HACD2: variants seen among roughly 807,000 people sequenced by gnomAD.
The protein encoded by HACD2 is very-long-chain (3R)-3-hydroxyacyl-CoA dehydratase 2.
A neutral mutation model predicts 31.0 loss-of-function variants in HACD2; 15 were observed. That is an observed-to-expected ratio of 0.48 (90% CI 0.32 to 0.75). The LOEUF (loss-of-function observed/expected upper bound fraction) is 0.75, where lower values mean the gene tolerates loss of function less well. Ranked by LOEUF, HACD2 falls within the 30% of genes least tolerant of loss-of-function variation. HACD2 has a pLI of 0.03. For missense variants in HACD2, 283 were observed against 313.0 expected (o/e 0.90, Z 0.72); for synonymous variants, 115 against 122.2 (o/e 0.94, Z 0.39).
At chr3:123,558,912 C>T (rs1401194715) in intron 3 of HACD2, among the ~76,000 whole-genome samples, 1 of 152,172 alleles carries the variant, frequency 6.6e-6, no homozygotes, top group Non-Finnish European at 1.5e-5. Context: ...TATCACAAAC[C>T]ATCGCACCAA....
chr3:123,507,049 G>C (rs1345854624), intron 4 of HACD2, among the ~76,000 whole-genome samples: 25 of 152,158 alleles, frequency 1.6e-4, no homozygotes. Context: ...CTTGAGGCCA[G>C]GAGCTGCGAT....
chr3:123,584,578 G>C (rs985876375), intron 1 of HACD2: 1 of 255,968 alleles, frequency 3.9e-6, no homozygotes, highest in Non-Finnish European at 7.4e-6. Flanking sequence ...CGCACCTGTG[G>C]CCAGCCCCAC....
chr3:123,555,800 T>G (rs930828635), intron 3 of HACD2, among the ~76,000 whole-genome samples: 3 of 152,268 alleles, frequency 2.0e-5, no homozygotes, highest in Non-Finnish European at 2.9e-5. Flanking sequence ...GTTAGAGGAC[T>G]TCTACTACCA....
Position 123,584,998 on chromosome 3 carries a change from C to A in HACD2, c.30G>T (p.Ala10=). The A allele has an allele frequency of 6.6e-7, 1 of 1,519,902 alleles. No homozygotes were observed. 94.2% of individuals were successfully genotyped at this position (1,519,902 alleles called of 1,614,324 possible). A position where few individuals can be genotyped will look rare whatever the true frequency, so the allele number is the denominator to read the frequency against. MAAVAATAA[A]KGNGGGGGRA... is the part of the protein sequence containing the mutation. ...TGCCACCGCCGCCCCCATTCCCCTT[C>A]GCTGCTGCAGTCGCCGCCACTGCCG... Residue 10 remains alanine, a synonymous_variant, in exon 1 of 7, where the codon GCG becomes GCT. Transcript: ENST00000383657.
intron 1 of HACD2, among the ~76,000 whole-genome samples, chr3:123,583,138 CAAGT>C (rs1200346232): frequency 6.6e-6 from 1 of 152,192 alleles, no homozygotes; most frequent in Non-Finnish European, 1.5e-5. Flanking sequence ...ATAAGGACAT[CAAGT>C]AAGAGTTTGT....
chr3:123,563,214 G>A (rs1052648511), intron 3 of HACD2, among the ~76,000 whole-genome samples: 4 of 152,174 alleles, frequency 2.6e-5, no homozygotes, highest in Admixed American at 1.3e-4. Flanking sequence ...GTATAATACC[G>A]AGTTAGGTGC....
Position 123,502,719 on chromosome 3 carries a change from GACA to G in HACD2, c.382-41_382-39del, listed in dbSNP as rs770318667. Reference sequence around the variant, plus strand: ...GAAAACAAAAGAAAAAAAACACACAGACAACGTTAATGAAGACAGTGTGCAGCA... The same window carrying G: ...GAAAACAAAAGAAAAAAAACACACAGACGTTAATGAAGACAGTGTGCAGCA... On this transcript the variant is annotated intron_variant, in intron 4 of 6. Transcript: ENST00000383657. 4.5e-6 allele frequency: 7 copies of G among 1,563,202 alleles called. No homozygotes were observed. In the African/African-American group the frequency reaches 9.5e-5, roughly 21 times the overall value.
chr3:123,576,527 T>C (rs2056909294), intron 2 of HACD2, among the ~76,000 whole-genome samples: 1 of 152,226 alleles, frequency 6.6e-6, no homozygotes, highest in Non-Finnish European at 1.5e-5. Flanking sequence ...ATCTACACTA[T>C]AACTTGCTCT....
chr3:123,536,794 T>C (rs2056431507), intron 3 of HACD2, among the ~76,000 whole-genome samples: 1 of 152,148 alleles, frequency 6.6e-6, no homozygotes, highest in Admixed American at 6.5e-5. Context: ...GAAGCAACAC[T>C]ATAAAGGTCT....
At chr3:123,542,073 G>C (rs1263595254) in intron 3 of HACD2, among the ~76,000 whole-genome samples, 2 of 145,346 alleles carry the variant, frequency 1.4e-5, no homozygotes, top group African/African-American at 5.1e-5. Flanking sequence ...CGTGAACCCG[G>C]GAGGCGGAGC....
rs398038348 is a variant in HACD2, at chr3:123,503,708, C to CAAAAAA, written c.382-1033_382-1028dup. ...CCAATTTATATTAGTTTCCATGCATCAAAAAAAAAAAAAAAAAAGACCGTC... is the reference window on the plus strand; with the variant it reads ...CCAATTTATATTAGTTTCCATGCATCAAAAAAAAAAAAAAAAAAAAAAAAGACCGTC... On this transcript the variant is annotated intron_variant, in intron 4 of 6. Coordinates refer to ENST00000383657, the MANE Select transcript of HACD2 (RefSeq NM_198402.5). Among the ~76,000 whole-genome samples the CAAAAAA allele has an allele frequency of 1.4e-4, 14 of 97,432 alleles. No individual in the cohort carries two copies. In the East Asian group the frequency reaches 2.4e-3, roughly 17 times the overall value. 63.9% of individuals were successfully genotyped at this position (97,432 alleles called of 152,430 possible).
intron 3 of HACD2, among the ~76,000 whole-genome samples, chr3:123,552,351 T>C (rs528928548): frequency 6.6e-6 from 1 of 152,234 alleles, no homozygotes; most frequent in East Asian, 1.9e-4. Flanking sequence ...TAGATTCCTG[T>C]AACACAAAGG....
At chr3:123,549,675 G>A (rs1321645218) in intron 3 of HACD2, among the ~76,000 whole-genome samples, 3 of 152,140 alleles carry the variant, frequency 2.0e-5, no homozygotes, top group Non-Finnish European at 4.4e-5. Flanking sequence ...TTGAGCCTGG[G>A]AAGTTGAGGC....
At chr3:123,506,738 T>C (rs1055102356) in intron 4 of HACD2, among the ~76,000 whole-genome samples, 1 of 152,142 alleles carries the variant, frequency 6.6e-6, no homozygotes, top group Non-Finnish European at 1.5e-5. Context: ...CCTGGCCACT[T>C]TTCTATTTTG....
intron 4 of HACD2, among the ~76,000 whole-genome samples, chr3:123,523,893 G>A (rs1303001916): frequency 6.6e-6 from 1 of 152,204 alleles, no homozygotes; most frequent in Non-Finnish European, 1.5e-5. Context: ...AGTCAGTCTT[G>A]CTTCTTCAGT....
At chr3:123,513,492 C>T (rs914334258) in intron 4 of HACD2, among the ~76,000 whole-genome samples, 3 of 152,204 alleles carry the variant, frequency 2.0e-5, no homozygotes, top group African/African-American at 7.2e-5. Context: ...GAAGAGCAGG[C>T]ATGGCTTGAA....
chr3:123,544,857 T>C, intron 3 of HACD2, among the ~76,000 whole-genome samples: 1 of 151,976 alleles, frequency 6.6e-6, no homozygotes, highest in Non-Finnish European at 1.5e-5. Flanking sequence ...GAGGAATGCT[T>C]GAGCTCAGGA....
intron 4 of HACD2, among the ~76,000 whole-genome samples, chr3:123,516,011 T>G (rs2056130882): frequency 6.6e-6 from 1 of 151,992 alleles, no homozygotes; most frequent in African/African-American, 2.4e-5. Flanking sequence ...CCGCCCTCCT[T>G]GGCTTCCCAG....
At chr3:123,497,612 C>G (rs915152277) in intron 6 of HACD2, among the ~76,000 whole-genome samples, 1 of 152,128 alleles carries the variant, frequency 6.6e-6, no homozygotes, top group Non-Finnish European at 1.5e-5. Flanking sequence ...TTTTTTGGCT[C>G]CCTCCACCAT....
Sources: allele counts gnomAD v4.1 joint callset (sites outside exome capture counted in the v4.1 genomes callset), GRCh38; gene constraint gnomAD v4.1.1; transcripts MANE v1.5; gene names NCBI Gene and HGNC (gene_info 2026-07-23, HGNC 2026-07-21).